HACE1: variants seen among roughly 807,000 people sequenced by gnomAD.
The protein encoded by HACE1 is HECT domain and ankyrin repeat containing E3 ubiquitin protein ligase 1, also known as E3 ubiquitin-protein ligase HACE1.
Under a neutral mutation model 118.4 loss-of-function variants are expected in HACE1, and 73 were observed. The observed-to-expected ratio is 0.62, with a 90% CI of 0.51 to 0.75. HACE1 has a LOEUF of 0.75. Ranked by LOEUF, HACE1 falls within the 30% of genes least tolerant of loss-of-function variation. The pLI is 0.00. For missense variants in HACE1, 749 were observed against 1,102.2 expected (o/e 0.68, Z 4.54); for synonymous variants, 368 against 374.8 (o/e 0.98, Z 0.21).
intron 19 of HACE1, among the ~76,000 whole-genome samples, chr6:104,763,045 A>G (rs1340438354): frequency 2.0e-5 from 3 of 151,592 alleles, no homozygotes; most frequent in Non-Finnish European, 4.4e-5. Flanking sequence ...CAAATTTCCC[A>G]GCAAATAAAA....
At chr6:104,841,374 CAACCATCAT>C (rs973388849) in intron 5 of HACE1, among the ~76,000 whole-genome samples, 2 of 152,108 alleles carry the variant, frequency 1.3e-5, no homozygotes, top group African/African-American at 4.8e-5. Context: ...TATTAACATT[CAACCATCAT>C]GCCTAAACTG....
chr6:104,781,171 C>G (rs1171632487), intron 14 of HACE1, among the ~76,000 whole-genome samples: 1 of 152,146 alleles, frequency 6.6e-6, no homozygotes, highest in Non-Finnish European at 1.5e-5. Flanking sequence ...TACCCTTCAT[C>G]AGACTTTCCA....
intron 22 of HACE1, among the ~76,000 whole-genome samples, chr6:104,743,008 C>T (rs967382720): frequency 2.0e-5 from 3 of 151,716 alleles, no homozygotes; most frequent in African/African-American, 2.4e-5. Context: ...TCATGTTCTT[C>T]GTAGGGACAT....
chr6:104,829,444 A>G (rs1773644623), intron 6 of HACE1, among the ~76,000 whole-genome samples: 1 of 152,178 alleles, frequency 6.6e-6, no homozygotes, highest in Non-Finnish European at 1.5e-5. Flanking sequence ...ACAGATTTGT[A>G]GAACTATACT....
At chr6:104,759,585 C>T (rs1779102745) in intron 19 of HACE1, among the ~76,000 whole-genome samples, 1 of 152,138 alleles carries the variant, frequency 6.6e-6, no homozygotes, top group Non-Finnish European at 1.5e-5. Context: ...TAAACGCCCA[C>T]AAGAGAAAGC....
intron 19 of HACE1, among the ~76,000 whole-genome samples, chr6:104,768,288 A>G (rs1471522009): frequency 6.6e-6 from 1 of 152,144 alleles, no homozygotes; most frequent in Non-Finnish European, 1.5e-5. Context: ...GTCGAACTCT[A>G]AACATGACAA....
intron 20 of HACE1, among the ~76,000 whole-genome samples, chr6:104,745,455 C>CTTTTTTTTTTTTTTTTTTTT (rs370049285): frequency 7.6e-6 from 1 of 131,980 alleles, no homozygotes; most frequent in Non-Finnish European, 1.6e-5. Context: ...TCAGGATTTC[C>CTTTTTTTTTTTTTTTTTTTT]TTTTTTTTTG....
intron 19 of HACE1, among the ~76,000 whole-genome samples, chr6:104,768,450 T>G (rs1358301903): frequency 6.6e-6 from 1 of 152,126 alleles, no homozygotes; most frequent in African/African-American, 2.4e-5. Context: ...TTTTGTAAAC[T>G]GAATATCTTA....
intron 2 of HACE1, 136 bp from the exon 3 acceptor site, chr6:104,851,132 G>A (rs888647381): frequency 4.6e-6 from 3 of 649,032 alleles, no homozygotes; most frequent in Admixed American, 4.2e-5. Flanking sequence ...TCACCAGGCT[G>A]GAGTACAGTG....
In HACE1 at chr6:104,812,964, C is replaced by G. The variant is rs1006497827; in HGVS notation, c.535-1571G>C. ...AAGTTTATTCTCTGCACAAAGTGAA[C>G]AGGGAGGCTCTGGACTGGGAGACAA... is the stretch of plus-strand genomic sequence containing the variant. On this transcript the variant is annotated intron_variant, in intron 6 of 23. Coordinates refer to ENST00000262903, the MANE Select transcript of HACE1 (RefSeq NM_020771.4). Among the ~76,000 whole-genome samples, 6 of 87,532 alleles carry G rather than the reference C, an allele frequency of 6.9e-5. 3 individuals carry two copies. Among genetic ancestry groups the G allele is most frequent in the Non-Finnish European group, 1.4e-4 (6 of 42,810 alleles). 57.4% of individuals were successfully genotyped at this position (87,532 alleles called of 152,430 possible). A position where few individuals can be genotyped will look rare whatever the true frequency, so the allele number is the denominator to read the frequency against.
In HACE1 at chr6:104,774,852, A is replaced by C. The variant is rs150642002; in HGVS notation, c.1864+1889T>G. 3.3e-4 allele frequency among the ~76,000 whole-genome samples: 50 copies of C among 152,368 alleles called. No individual in the cohort carries two copies. The East Asian group carries it at 8.7e-3, about 26-fold the overall frequency. ...CTACAGTAAGCATCTTAATTTCATT[A>C]GAAAACAAGTTCTTTAAAAAATTAT... is the stretch of plus-strand genomic sequence containing the variant. On this transcript the variant is annotated intron_variant, in intron 17 of 23. Coordinates refer to ENST00000262903, the MANE Select transcript of HACE1 (RefSeq NM_020771.4).
chr6:104,854,507 T>A (rs1464367668), intron 1 of HACE1, among the ~76,000 whole-genome samples: 3 of 152,062 alleles, frequency 2.0e-5, no homozygotes, highest in Non-Finnish European at 4.4e-5. Context: ...CTTTAAAAAA[T>A]ACTTATTTTA....
At chr6:104,798,846 A>T (rs1040061535) in intron 7 of HACE1, among the ~76,000 whole-genome samples, 6 of 152,278 alleles carry the variant, frequency 3.9e-5, no homozygotes, top group African/African-American at 1.4e-4. Flanking sequence ...ATCTTATAAA[A>T]CTGCTGAGTT....
At chr6:104,772,456 T>C (rs1276997051) in intron 17 of HACE1, among the ~76,000 whole-genome samples, 1 of 152,174 alleles carries the variant, frequency 6.6e-6, no homozygotes, top group African/African-American at 2.4e-5. Flanking sequence ...GGCAATAGGC[T>C]GTTCGCTAGG....
At chr6:104,841,931 C>T (rs940896141) in intron 5 of HACE1, among the ~76,000 whole-genome samples, 1 of 152,154 alleles carries the variant, frequency 6.6e-6, no homozygotes, top group Non-Finnish European at 1.5e-5. Flanking sequence ...ATATCCCATA[C>T]CACCTCCATG....
At chr6:104,731,857 AG>A (rs1476787615) in intron 22 of HACE1, 10 of 138,520 alleles carry the variant, frequency 7.2e-5, no homozygotes, top group African/African-American at 2.9e-4. Flanking sequence ...GAACATACAA[AG>A]AATTCCCATA....
In HACE1 at chr6:104,744,134, C is replaced by A. The variant is rs200033506; in HGVS notation, c.2513+26G>T. On this transcript the variant is annotated intron_variant, in intron 22 of 23. Transcript: ENST00000262903. ...AAAGCAGAATACATTAAATTATTTC[C>A]ATATTATCATAAAAATACTGCTTAC... 1,463 of 1,309,410 alleles carry A rather than the reference C, an allele frequency of 1.1e-3. 5 individuals carry two copies. Among genetic ancestry groups the A allele is most frequent in the Non-Finnish European group, 9.4e-4 (846 of 902,616 alleles). The allele number at this position is 1,309,410 out of a possible 1,614,324, so 81.1% of individuals were successfully genotyped here.
At chr6:104,737,300 A>G (rs1029565365) in intron 22 of HACE1, among the ~76,000 whole-genome samples, 11 of 151,094 alleles carry the variant, frequency 7.3e-5, no homozygotes, top group African/African-American at 1.2e-4. Context: ...AAAAAAAAAA[A>G]AAAAAAAGAA....
At chr6:104,791,363 G>C (rs1015375457) in intron 11 of HACE1, 141 bp downstream of exon 11, 5 of 726,948 alleles carry the variant, frequency 6.9e-6, no homozygotes, top group Non-Finnish European at 1.2e-5. Context: ...AGAGGAGAAA[G>C]GTGTGCCTAA....
Sources: gnomAD v4.1 joint callset for allele counts (sites outside exome capture counted in the v4.1 genomes callset) on GRCh38, gnomAD v4.1.1 for gene constraint, MANE v1.5 for transcripts, NCBI Gene and HGNC (gene_info 2026-07-23, HGNC 2026-07-21) for gene names.